The following FRMD4A variants were observed in gnomAD, a reference collection of about 807,000 sequenced individuals.
FRMD4A encodes the protein FERM domain-containing protein 4A.
In FRMD4A, 29 loss-of-function variants were observed where a neutral mutation model predicts 129.1. The ratio of observed to expected loss-of-function variants is 0.22; its 90% confidence interval spans 0.17 to 0.31. The LOEUF (loss-of-function observed/expected upper bound fraction) is 0.31, where lower values mean the gene tolerates loss of function less well. Ranked by LOEUF, FRMD4A falls within the 10% of genes least tolerant of loss-of-function variation. The pLI is 1.00. For synonymous variants in FRMD4A, 634 were observed against 571.6 expected (o/e 1.11, Z -1.56); for missense variants, 1,272 against 1,375.8 (o/e 0.92, Z 1.19).
intron 2 of FRMD4A, among the ~76,000 whole-genome samples, chr10:13,884,140 A>ACACACACT (rs1564970454): frequency 1.5e-5 from 1 of 68,878 alleles, no homozygotes; most frequent in African/African-American, 5.7e-5. Flanking sequence ...ACGCTCACAC[A>ACACACACT]CACTCTCACA....
chr10:14,111,890 G>A (rs1461373220), intron 2 of FRMD4A, among the ~76,000 whole-genome samples: 1 of 148,600 alleles, frequency 6.7e-6, no homozygotes, highest in East Asian at 2.0e-4. Context: ...TTCACCCACA[G>A]CTCCTAATCC....
chr10:14,301,900 G>A (rs571976743), intron 2 of FRMD4A, among the ~76,000 whole-genome samples: 1 of 152,242 alleles, frequency 6.6e-6, no homozygotes, highest in South Asian at 2.1e-4. Context: ...TTGGGTGCAG[G>A]TTGGAGGAAT....
At chr10:13,951,571 A>G (rs1237189531) in intron 2 of FRMD4A, among the ~76,000 whole-genome samples, 1 of 152,060 alleles carries the variant, frequency 6.6e-6, no homozygotes, top group Non-Finnish European at 1.5e-5. Context: ...CGACAGGACA[A>G]ATGTTAAGGT....
At chr10:14,047,877 G>A (rs201964382) in intron 2 of FRMD4A, among the ~76,000 whole-genome samples, 2 of 152,274 alleles carry the variant, frequency 1.3e-5, no homozygotes, top group East Asian at 3.9e-4. Flanking sequence ...CAGCTGCAGG[G>A]CCTGTGTAGA....
At chr10:13,650,365 C>G (rs1025595197) in intron 24 of FRMD4A, among the ~76,000 whole-genome samples, 5 of 152,144 alleles carry the variant, frequency 3.3e-5, no homozygotes, top group Non-Finnish European at 7.3e-5. Flanking sequence ...GGTGCTGTTG[C>G]TCAGTATAAT....
chr10:13,856,258 G>A (rs1252654738), intron 3 of FRMD4A, among the ~76,000 whole-genome samples: 3 of 120,868 alleles, frequency 2.5e-5, no homozygotes. Context: ...GTGTGTGTGT[G>A]TGTTAAGCTA....
At chr10:14,062,801 C>T (rs951246433) in intron 2 of FRMD4A, among the ~76,000 whole-genome samples, 3 of 152,146 alleles carry the variant, frequency 2.0e-5, no homozygotes, top group Admixed American at 1.3e-4. Flanking sequence ...CAGTGGCTCA[C>T]GTGTGTAATT....
At chr10:14,314,932 G>C (rs973954949) in intron 2 of FRMD4A, among the ~76,000 whole-genome samples, 1 of 143,720 alleles carries the variant, frequency 7.0e-6, no homozygotes, top group Non-Finnish European at 1.5e-5. Context: ...CCATGTGATT[G>C]GCGAATCTTA....
chr10:14,275,867 C>A (rs1845321837), intron 2 of FRMD4A, among the ~76,000 whole-genome samples: 1 of 152,094 alleles, frequency 6.6e-6, no homozygotes, highest in Non-Finnish European at 1.5e-5. Flanking sequence ...AGCAAGACCC[C>A]ATCTCTACAA....
At chr10:14,149,399 G>A (rs1840234654) in intron 2 of FRMD4A, among the ~76,000 whole-genome samples, 1 of 152,162 alleles carries the variant, frequency 6.6e-6, no homozygotes, top group East Asian at 1.9e-4. Context: ...GAGTGCAGTG[G>A]CATGATCATA....
chr10:13,885,904 T>A (rs1247461127), intron 2 of FRMD4A, among the ~76,000 whole-genome samples: 1 of 151,664 alleles, frequency 6.6e-6, no homozygotes, highest in Non-Finnish European at 1.5e-5. Flanking sequence ...CCCTCCCATC[T>A]CTCCTTCTCT....
intron 3 of FRMD4A, among the ~76,000 whole-genome samples, chr10:13,825,064 A>C (rs1588913798): frequency 6.6e-6 from 1 of 152,302 alleles, no homozygotes; most frequent in East Asian, 1.9e-4. Flanking sequence ...GGTAACACCA[A>C]ACCCTATATA....
chr10:13,932,186 G>C (rs543992549), intron 2 of FRMD4A, among the ~76,000 whole-genome samples: 5 of 152,192 alleles, frequency 3.3e-5, no homozygotes, highest in African/African-American at 1.2e-4. Flanking sequence ...CTGGTCCTCT[G>C]CTTTGTCCTT....
Position 13,856,183 on chromosome 10 carries a change from G to C in FRMD4A, c.111+2664C>G, listed in dbSNP as rs571106359. Reference sequence around the variant, plus strand: ...TTGTGTGTGTATCTATGTATAGGTAGATAGTGTGTGTATCTATAGATGGAT... The same window carrying C: ...TTGTGTGTGTATCTATGTATAGGTACATAGTGTGTGTATCTATAGATGGAT... On this transcript the variant is annotated intron_variant, in intron 3 of 24. Transcript: ENST00000357447. 3.3e-4 allele frequency among the ~76,000 whole-genome samples: 50 copies of C among 151,292 alleles called. 1 individual carries two copies. The highest frequency in any genetic ancestry group is 9.7e-4 in the African/African-American group (40 of 41,200).
At chr10:14,294,493 C>T (rs1845946783) in intron 2 of FRMD4A, among the ~76,000 whole-genome samples, 1 of 152,118 alleles carries the variant, frequency 6.6e-6, no homozygotes, top group South Asian at 2.1e-4. Flanking sequence ...GTTCACTGAC[C>T]CTCACTATAG....
At chr10:14,087,210 T>C (rs898627094) in intron 2 of FRMD4A, among the ~76,000 whole-genome samples, 3 of 147,800 alleles carry the variant, frequency 2.0e-5, no homozygotes, top group Non-Finnish European at 4.5e-5. Context: ...TATACACTTA[T>C]AGGATTATAA....
At chr10:14,106,912 C>T (rs938282596) in intron 2 of FRMD4A, among the ~76,000 whole-genome samples, 1 of 152,096 alleles carries the variant, frequency 6.6e-6, no homozygotes, top group African/African-American at 2.4e-5. Flanking sequence ...ATGTTTATCA[C>T]AGCACTATTT....
intron 15 of FRMD4A, among the ~76,000 whole-genome samples, chr10:13,675,355 CAAGA>C (rs2083886333): frequency 6.6e-6 from 1 of 152,134 alleles, no homozygotes; most frequent in African/African-American, 2.4e-5. Flanking sequence ...AGACTTTACA[CAAGA>C]AAGGGGGAAA....
intron 2 of FRMD4A, among the ~76,000 whole-genome samples, chr10:14,274,034 G>T (rs1021812514): frequency 1.3e-5 from 2 of 152,090 alleles, no homozygotes; most frequent in African/African-American, 4.8e-5. Context: ...TAATTATGAC[G>T]AATGCTCAAT....
Sources: gnomAD v4.1 joint callset for allele counts (sites outside exome capture counted in the v4.1 genomes callset) on GRCh38, gnomAD v4.1.1 for gene constraint, MANE v1.5 for transcripts, NCBI Gene and HGNC (gene_info 2026-07-23, HGNC 2026-07-21) for gene names.